Variants in SOD2 observed in about 807,000 individuals in gnomAD.
The protein encoded by SOD2 is superoxide dismutase 2.
In SOD2, 11 loss-of-function variants were observed where a neutral mutation model predicts 27.0. That is an observed-to-expected ratio of 0.41 (90% CI 0.26 to 0.67). The LOEUF (loss-of-function observed/expected upper bound fraction) is 0.67. Ranked by LOEUF, SOD2 falls within the 30% of genes least tolerant of loss-of-function variation. SOD2 has a pLI of 0.34. For synonymous variants in SOD2, 105 were observed against 103.0 expected (o/e 1.02, Z -0.12); for missense variants, 250 against 274.5 (o/e 0.91, Z 0.63).
Position 159,674,757 on chromosome 6 carries a change from CAGG to C in SOD2, c.*7733_*7735del, listed in dbSNP as rs1174377134. 6.6e-6 allele frequency: 1 copy of C among 152,156 alleles called. No homozygotes were observed. The highest frequency in any genetic ancestry group is 6.5e-5 in the Admixed American group (1 of 15,278). The allele number at this position is 152,156 out of a possible 1,614,324, so 9.4% of individuals were successfully genotyped here. A position where few individuals can be genotyped will look rare whatever the true frequency, so the allele number is the denominator to read the frequency against. On this transcript the variant is annotated 3_prime_UTR_variant, in exon 5 of 5. Transcript: ENST00000538183. ...GGAAGTTCTGGCCAGGGCCATCAGG[CAGG>C]AGAAAGAAATAAAGGGTATTCAATA...
At chr6:159,731,458 ACT>A (rs1778565022), upstream of SOD2, among the ~76,000 whole-genome samples, 3 of 152,220 alleles carry the variant, frequency 2.0e-5, no homozygotes, top group East Asian at 1.9e-4. Flanking sequence ...ACAGAGTGAG[ACT>A]CTGTCTCAAA....
intron 1 of SOD2, among the ~76,000 whole-genome samples, chr6:159,716,753 A>G (rs1437159490): frequency 1.3e-5 from 2 of 152,222 alleles, no homozygotes; most frequent in Non-Finnish European, 1.5e-5. Context: ...TGGGGATGCT[A>G]AATGTCCTAA....
chr6:159,761,842 GCGCCCCGCGCCCCGGCCTCACTTC>G (rs1310777558), exon 1 of SOD2: 5 of 220,870 alleles, frequency 2.3e-5, no homozygotes, highest in East Asian at 9.5e-5. Context: ...CTTCCGCCCC[GCGCCCCGCGCCCCGGCCTCACTTC>G]CGCCCCGCGC....
chr6:159,726,815 G>A lies in SOD2; in HGVS notation c.-116+314C>T. ...GGAGACTGCGCCTCACGACTGATGA[G>A]AGGGAAGGCATCGGTTTCTAAGTTC... On this transcript the variant is annotated intron_variant, in intron 1 of 2. Coordinates refer to the SOD2 transcript ENST00000401980. The A allele has an allele frequency of 3.1e-6, 4 of 1,289,224 alleles. No individual in the cohort carries two copies. In the South Asian group the frequency reaches 3.7e-5, roughly 12 times the overall value. The allele number at this position is 1,289,224 out of a possible 1,614,324, so 79.9% of individuals were successfully genotyped here.
intron 1 of SOD2, among the ~76,000 whole-genome samples, chr6:159,710,959 T>A (rs113354476): frequency 6.5e-5 from 8 of 122,192 alleles, no homozygotes; most frequent in Middle Eastern, 4.8e-3. Context: ...CACACTGCTC[T>A]GACCTCCATA....
intron 1 of SOD2, chr6:159,736,362 T>TA (rs988385388): frequency 7.1e-4 from 832 of 1,168,700 alleles, no homozygotes; most frequent in Non-Finnish European, 8.8e-4. Context: ...TTAAGCACTT[T>TA]AAAAAAAAAT....
intron 1 of SOD2, chr6:159,726,674 T>C (rs1778183789): frequency 4.6e-6 from 4 of 865,228 alleles, no homozygotes; most frequent in Non-Finnish European, 4.7e-6. Context: ...CTTCCCCGTG[T>C]TCCAGTTAGC....
upstream of SOD2, among the ~76,000 whole-genome samples, chr6:159,695,437 CTG>C (rs1711875130): frequency 1.3e-5 from 2 of 152,186 alleles, no homozygotes; most frequent in African/African-American, 4.8e-5. Flanking sequence ...ACTACCATGA[CTG>C]TGAGCACATC....
At chr6:159,732,641 C>T (rs1485737726) in intron 1 of SOD2, among the ~76,000 whole-genome samples, 2 of 152,234 alleles carry the variant, frequency 1.3e-5, no homozygotes, top group East Asian at 3.9e-4. Context: ...TCGAGACCAG[C>T]CTGGTCAACA....
At chr6:159,745,186 A>G (rs997826347) in exon 1 of SOD2, 1 of 152,208 alleles carries the variant, frequency 6.6e-6, no homozygotes, top group African/African-American at 2.4e-5. Context: ...TGATGGTAAT[A>G]TCTCATAGGA....
upstream of SOD2, among the ~76,000 whole-genome samples, chr6:159,695,549 GTGCAGCGGCGTGATCACGGCTGAT>G (rs1293237139): frequency 1.5e-4 from 23 of 152,212 alleles, no homozygotes; most frequent in Admixed American, 1.2e-3. Context: ...CCAGGCTGGA[GTGCAGCGGCGTGATCACGGCTGAT>G]TGCAGCGACT....
chr6:159,712,414 A>T (rs868228324), intron 1 of SOD2, among the ~76,000 whole-genome samples: 147 of 66,444 alleles, frequency 2.2e-3, no homozygotes, highest in East Asian at 3.9e-3. Context: ...TGCTCTGATC[A>T]CCATAACCAC....
intron 1 of SOD2, among the ~76,000 whole-genome samples, chr6:159,707,942 T>A (rs1777659178): frequency 6.6e-6 from 1 of 151,736 alleles, no homozygotes; most frequent in African/African-American, 2.4e-5. Context: ...GCGTCATCCC[T>A]GGGATGCAAG....
intron 4 of SOD2, among the ~76,000 whole-genome samples, chr6:159,683,082 A>G: frequency 6.6e-6 from 1 of 152,206 alleles, no homozygotes; most frequent in Admixed American, 6.5e-5. Flanking sequence ...CTGCTCCCCA[A>G]GGCTAATTTT....
At chr6:159,707,167 G>A (rs191787682) in intron 1 of SOD2, among the ~76,000 whole-genome samples, 1,942 of 152,146 alleles carry the variant, frequency 0.013, 19 homozygotes, top group Middle Eastern at 0.075. Context: ...GAGAAAGCAG[G>A]AAAGATCTAA....
rs1779802323 is a variant in SOD2, at chr6:159,677,400, A to T, written c.*5093T>A. On this transcript the variant is annotated 3_prime_UTR_variant, in exon 5 of 5. Coordinates refer to ENST00000538183, the MANE Select transcript of SOD2 (RefSeq NM_000636.4). ...ATAGCAGACAGCATGACTTCACCCT[A>T]GACAGGTCATGCCAACTTCACATCC... is the stretch of plus-strand genomic sequence containing the variant. The T allele has an allele frequency of 1.3e-5, 2 of 152,232 alleles. No homozygotes were observed. The highest frequency in any genetic ancestry group is 4.1e-4 in the South Asian group (2 of 4,836). The allele number at this position is 152,232 out of a possible 1,614,324, so 9.4% of individuals were successfully genotyped here.
intron 1 of SOD2, among the ~76,000 whole-genome samples, chr6:159,735,757 T>A (rs1273716517): frequency 2.6e-5 from 4 of 151,766 alleles, no homozygotes; most frequent in East Asian, 1.9e-4. Context: ...TCAAAAAAAA[T>A]AAAAATAAAA....
In SOD2 at chr6:159,674,643, C is replaced by T. The variant is rs1352605460; in HGVS notation, c.*7850G>A. ...TGACAAACCCACAGCCAATATCAGA[C>T]TGAATGGGCAAAAACTGGAAGCATT... On this transcript the variant is annotated 3_prime_UTR_variant, in exon 5 of 5. Coordinates refer to ENST00000538183, the MANE Select transcript of SOD2 (RefSeq NM_000636.4). 6.6e-6 allele frequency: 1 copy of T among 152,202 alleles called. No individual in the cohort carries two copies. Among genetic ancestry groups the T allele is most frequent in the Non-Finnish European group, 1.5e-5 (1 of 68,032 alleles). The allele number at this position is 152,202 out of a possible 1,614,324, so 9.4% of individuals were successfully genotyped here.
chr6:159,758,730 C>T (rs1780064898), intron 1 of SOD2, among the ~76,000 whole-genome samples: 1 of 152,288 alleles, frequency 6.6e-6, no homozygotes, highest in East Asian at 1.9e-4. Flanking sequence ...TGACCTTCAT[C>T]CTATGGCAAT....
Sources: allele counts gnomAD v4.1 joint callset (sites outside exome capture counted in the v4.1 genomes callset), GRCh38; gene constraint gnomAD v4.1.1; transcripts MANE v1.5; gene names NCBI Gene and HGNC (gene_info 2026-07-23, HGNC 2026-07-21).